UBA6: variants seen among roughly 807,000 people sequenced by gnomAD.
UBA6 encodes the protein ubiquitin like modifier activating enzyme 6, also known as ubiquitin-like modifier-activating enzyme 6.
In UBA6, 87 loss-of-function variants were observed where a neutral mutation model predicts 148.3. The observed-to-expected ratio is 0.59, with a 90% CI of 0.49 to 0.70. The LOEUF (loss-of-function observed/expected upper bound fraction) is 0.70. Ranked by LOEUF, UBA6 falls within the 30% of genes least tolerant of loss-of-function variation. The pLI is 0.00. For synonymous variants in UBA6, 376 were observed against 401.0 expected, an observed-to-expected ratio of 0.94 and a Z score of 0.75; for missense variants, 1,186 against 1,241.2, an observed-to-expected ratio of 0.96 and a Z score of 0.67.
intron 22 of UBA6, among the ~76,000 whole-genome samples, 166 bp from the exon 23 acceptor site, chr4:67,633,639 CT>C (rs1218358555): frequency 6.6e-6 from 1 of 151,972 alleles, no homozygotes; most frequent in Non-Finnish European, 1.5e-5. Context: ...CCTTTCTTTT[CT>C]TTTCTGTTTG....
chr4:67,695,112 G>A (rs1348966340), intron 2 of UBA6, among the ~76,000 whole-genome samples: 3 of 152,118 alleles, frequency 2.0e-5, no homozygotes, highest in African/African-American at 7.2e-5. Context: ...GTTTCACAAG[G>A]ATTAAACTAA....
rs79427222 is a variant in UBA6, at chr4:67,670,190, C to G, written c.669+280G>C. ...AACTCCTGAGCTAAAGTGATCCACC[C>G]CTGTCAGCCTCCAAAAGTGCTGGGA... On this transcript the variant is annotated intron_variant, in intron 8 of 32. Transcript: ENST00000322244. 7.0e-4 allele frequency among the ~76,000 whole-genome samples: 106 copies of G among 152,234 alleles called. 1 individual carries two copies. In the East Asian group the frequency reaches 0.019, roughly 27 times the overall value.
rs62303093 is a variant in UBA6 at position 67,673,685 on chromosome 4, T to A, written c.546+12A>T. 50 of 1,589,656 alleles carry A rather than the reference T, an allele frequency of 3.1e-5. No individual in the cohort carries two copies. In the African/African-American group the frequency reaches 6.3e-4, roughly 20 times the overall value. ...TGGTTAACTACATGTCATTACTAAA[T>A]GATACAATTACCTTAATTGGAGGGC... On this transcript the variant is annotated intron_variant, in intron 7 of 32. Transcript: ENST00000322244.
At chr4:67,674,998 T>C (rs1287885238) in intron 6 of UBA6, among the ~76,000 whole-genome samples, 3 of 152,202 alleles carry the variant, frequency 2.0e-5, no homozygotes, top group African/African-American at 7.2e-5. Context: ...GCCTCCCCAG[T>C]AGCTGGGATT....
At chr4:67,657,755 A>G (rs35180876) in intron 13 of UBA6, among the ~76,000 whole-genome samples, 34,132 of 150,410 alleles carry the variant, frequency 0.23, 4,050 homozygotes, top group Middle Eastern at 0.3. Context: ...AGAATGGGAG[A>G]AAATTTTTGC....
At chr4:67,700,460 G>T (rs1482011337) in intron 1 of UBA6, among the ~76,000 whole-genome samples, 1 of 151,940 alleles carries the variant, frequency 6.6e-6, no homozygotes, top group African/African-American at 2.4e-5. Flanking sequence ...ACAGGGGCGG[G>T]AAAGACCTGA....
intron 27 of UBA6, among the ~76,000 whole-genome samples, chr4:67,627,359 G>C (rs985924610): frequency 2.0e-5 from 3 of 151,864 alleles, no homozygotes; most frequent in Admixed American, 6.6e-5. Flanking sequence ...CTGAAACTTC[G>C]GTGTGAGCTC....
intron 30 of UBA6, among the ~76,000 whole-genome samples, chr4:67,623,505 T>C (rs1728798883): frequency 6.6e-6 from 1 of 152,170 alleles, no homozygotes. Context: ...CTTTTTAAAA[T>C]GGGTTTCACT....
At chr4:67,693,708 G>A (rs952448700) in intron 2 of UBA6, among the ~76,000 whole-genome samples, 1 of 152,196 alleles carries the variant, frequency 6.6e-6, no homozygotes, top group African/African-American at 2.4e-5. Context: ...GGTCGGAACT[G>A]TGGCTGTGTG....
chr4:67,658,635 G>T (rs1431350067), intron 13 of UBA6, among the ~76,000 whole-genome samples: 1 of 152,034 alleles, frequency 6.6e-6, no homozygotes, highest in African/African-American at 2.4e-5. Flanking sequence ...AAACCCCCAT[G>T]ATGCAAATTT....
chr4:67,700,214 C>CT (rs1730944185), intron 1 of UBA6, among the ~76,000 whole-genome samples: 3 of 152,208 alleles, frequency 2.0e-5, no homozygotes, highest in Admixed American at 1.3e-4. Flanking sequence ...TGGCAGACAA[C>CT]ACCATGAAAC....
chr4:67,686,666 G>A (rs1302281584), intron 2 of UBA6, among the ~76,000 whole-genome samples: 6 of 151,936 alleles, frequency 3.9e-5, no homozygotes, highest in Non-Finnish European at 5.9e-5. Context: ...AAATGTTTGG[G>A]TGTAGTAGGG....
At chr4:67,653,081 C>A (rs1729593487) in intron 13 of UBA6, among the ~76,000 whole-genome samples, 1 of 152,218 alleles carries the variant, frequency 6.6e-6, no homozygotes, top group South Asian at 2.1e-4. Flanking sequence ...TCTATAGACT[C>A]AACCTCTGTG....
At chr4:67,662,144 T>A (rs1413996332) in intron 13 of UBA6, 45 bp downstream of exon 13, 2 of 1,558,760 alleles carry the variant, frequency 1.3e-6, no homozygotes, top group Non-Finnish European at 1.8e-6. Flanking sequence ...AACACTTATG[T>A]ATTAACAAAC....
intron 2 of UBA6, among the ~76,000 whole-genome samples, chr4:67,686,804 A>G (rs544726954): frequency 6.6e-6 from 1 of 151,430 alleles, no homozygotes; most frequent in African/African-American, 2.4e-5. Flanking sequence ...AAATGTGAAA[A>G]TTAGCCAGGT....
intron 2 of UBA6, among the ~76,000 whole-genome samples, chr4:67,688,359 C>A (rs1465894933): frequency 1.3e-5 from 2 of 152,086 alleles, no homozygotes; most frequent in Non-Finnish European, 2.9e-5. Flanking sequence ...TCACGCACAT[C>A]TTCAGAGAAA....
intron 2 of UBA6, among the ~76,000 whole-genome samples, chr4:67,690,885 T>C (rs1444976619): frequency 6.6e-6 from 1 of 152,160 alleles, no homozygotes; most frequent in Non-Finnish European, 1.5e-5. Flanking sequence ...GAAAACAGTA[T>C]GAAGCTTCCT....
At chr4:67,628,534 T>C (rs1728923721) in intron 27 of UBA6, among the ~76,000 whole-genome samples, 2 of 151,884 alleles carry the variant, frequency 1.3e-5, no homozygotes, top group South Asian at 4.1e-4. Context: ...CATCACTCTT[T>C]CTTTTCCCTG....
intron 13 of UBA6, among the ~76,000 whole-genome samples, chr4:67,660,409 T>C (rs188097853): frequency 4.7e-4 from 72 of 152,272 alleles, no homozygotes; most frequent in African/African-American, 1.7e-3. Flanking sequence ...TGTCAGGACA[T>C]GGTGCCCTGT....
Sources: gnomAD v4.1 joint callset for allele counts (sites outside exome capture counted in the v4.1 genomes callset) on GRCh38, gnomAD v4.1.1 for gene constraint, MANE v1.5 for transcripts, NCBI Gene and HGNC (gene_info 2026-07-23, HGNC 2026-07-21) for gene names.